The following PALM2AKAP2 variants were observed in gnomAD, a reference collection of about 807,000 sequenced individuals.
PALM2AKAP2 encodes PALM2 and AKAP2 fusion.
A neutral mutation model predicts 71.5 loss-of-function variants in PALM2AKAP2; 37 were observed. The observed-to-expected ratio is 0.52, with a 90% CI of 0.40 to 0.68. The LOEUF (loss-of-function observed/expected upper bound fraction) is 0.68, where lower values mean the gene tolerates loss of function less well. Among genes scored for constraint, PALM2AKAP2 ranks in the 30% least tolerant of loss-of-function variants. The pLI, the probability that PALM2AKAP2 is intolerant of heterozygous loss-of-function variation, is 0.00. For synonymous variants in PALM2AKAP2, 468 were observed against 478.8 expected (o/e 0.98, Z 0.29); for missense variants, 1,224 against 1,191.8 (o/e 1.03, Z -0.40).
chr9:109,862,593 A>G (rs539735989), intron 1 of PALM2AKAP2, among the ~76,000 whole-genome samples: 1 of 152,296 alleles, frequency 6.6e-6, no homozygotes, highest in Admixed American at 6.5e-5. Flanking sequence ...ATCAATAGCT[A>G]TTGCAAAGAA....
At chr9:109,679,631 A>G (rs1358913) in intron 1 of PALM2AKAP2, among the ~76,000 whole-genome samples, 29,814 of 152,134 alleles carry the variant, frequency 0.2, 3,134 homozygotes, top group Middle Eastern at 0.32. Context: ...AGCTACTCAA[A>G]GCATGGAATT....
intron 1 of PALM2AKAP2, among the ~76,000 whole-genome samples, chr9:109,730,330 G>A (rs1828536549): frequency 6.6e-6 from 1 of 152,242 alleles, no homozygotes; most frequent in South Asian, 2.1e-4. Context: ...ATATTGGTCA[G>A]AAGCTGGACT....
intron 1 of PALM2AKAP2, among the ~76,000 whole-genome samples, chr9:110,080,603 AT>A (rs1488478221): frequency 6.6e-6 from 1 of 152,154 alleles, no homozygotes; most frequent in Non-Finnish European, 1.5e-5. Flanking sequence ...TGATTTTCTG[AT>A]TCTTCTGTCT....
intron 1 of PALM2AKAP2, among the ~76,000 whole-genome samples, chr9:109,667,009 C>G (rs1025733487): frequency 1.3e-5 from 2 of 152,172 alleles, no homozygotes; most frequent in African/African-American, 4.8e-5. Context: ...GAACATCAGT[C>G]TTTGGAAAAG....
chr9:109,780,364 C>T (rs1019220354), upstream of PALM2AKAP2: 4 of 1,582,244 alleles, frequency 2.5e-6, no homozygotes, highest in Admixed American at 1.7e-5. Flanking sequence ...AGCGGATCCC[C>T]AGCCGTCCCT....
chr9:109,881,052 A>G (rs1390267999), intron 3 of PALM2AKAP2, among the ~76,000 whole-genome samples: 1 of 152,040 alleles, frequency 6.6e-6, no homozygotes, highest in Non-Finnish European at 1.5e-5. Flanking sequence ...TTCACCCTCC[A>G]AAAGGCCCCA....
Position 109,659,684 on chromosome 9 carries a change from G to A in PALM2AKAP2, c.5+18818G>A, listed in dbSNP as rs370965253. On this transcript the variant is annotated intron_variant, in intron 1 of 6. Coordinates refer to the PALM2AKAP2 transcript ENST00000374531. ...TTGCAAAGATGTGAGTCAGCTCTAA[G>A]TAAAATGATGTATCCATAATTATAA... is the stretch of plus-strand genomic sequence containing the variant. Among the ~76,000 whole-genome samples the A allele has an allele frequency of 1.2e-4, 19 of 152,158 alleles. No homozygotes were observed. In the East Asian group the frequency reaches 3.7e-3, roughly 29 times the overall value.
intron 1 of PALM2AKAP2, among the ~76,000 whole-genome samples, chr9:109,745,995 TG>T (rs1828794629): frequency 1.3e-5 from 2 of 152,244 alleles, no homozygotes; most frequent in Admixed American, 6.5e-5. Flanking sequence ...ATATGTGCTT[TG>T]TTACTCTGCA....
At chr9:109,746,910 C>T (rs1287361276) in intron 1 of PALM2AKAP2, among the ~76,000 whole-genome samples, 1 of 152,056 alleles carries the variant, frequency 6.6e-6, no homozygotes, top group Non-Finnish European at 1.5e-5. Context: ...TTAACAGGCA[C>T]AGGTGGAAGA....
At chr9:110,158,056 A>G (rs905760975) in intron 3 of PALM2AKAP2, among the ~76,000 whole-genome samples, 39 of 152,282 alleles carry the variant, frequency 2.6e-4, no homozygotes, top group African/African-American at 8.7e-4. Context: ...CAGTGGGATG[A>G]TGCCCGGCCC....
intron 1 of PALM2AKAP2, among the ~76,000 whole-genome samples, chr9:109,691,540 A>G (rs1827883947): frequency 6.6e-6 from 1 of 151,936 alleles, no homozygotes; most frequent in Non-Finnish European, 1.5e-5. Context: ...TTCTTTGTAG[A>G]TGCTGCTAAC....
chr9:109,888,032 C>T (rs1414327333), intron 3 of PALM2AKAP2, among the ~76,000 whole-genome samples: 2 of 152,166 alleles, frequency 1.3e-5, no homozygotes, highest in Non-Finnish European at 2.9e-5. Context: ...GGTGAGACTG[C>T]CCCCTTCAGG....
chr9:109,829,861 A>G (rs1828251096), intron 1 of PALM2AKAP2, among the ~76,000 whole-genome samples: 2 of 152,178 alleles, frequency 1.3e-5, no homozygotes. Flanking sequence ...GAATTTAATG[A>G]GGCTGACATT....
intron 6 of PALM2AKAP2, among the ~76,000 whole-genome samples, chr9:109,990,901 G>A (rs78127886): frequency 0.027 from 4,140 of 152,242 alleles, 70 homozygotes; most frequent in South Asian, 0.057. Flanking sequence ...GGCTTTTTCC[G>A]CATTTTCCAA....
chr9:110,110,126 A>G (rs1835212999), intron 1 of PALM2AKAP2, among the ~76,000 whole-genome samples: 1 of 152,244 alleles, frequency 6.6e-6, no homozygotes, highest in Admixed American at 6.5e-5. Context: ...GTGAGGTAAC[A>G]TATAGTAATT....
intron 1 of PALM2AKAP2, among the ~76,000 whole-genome samples, chr9:109,836,101 C>G (rs900188853): frequency 9.8e-5 from 15 of 152,312 alleles, no homozygotes; most frequent in Non-Finnish European, 1.9e-4. Context: ...TCCCTGATCC[C>G]CGAGTAGCCT....
chr9:109,823,777 G>T (rs1207604370), intron 1 of PALM2AKAP2, among the ~76,000 whole-genome samples: 2 of 152,166 alleles, frequency 1.3e-5, no homozygotes, highest in African/African-American at 4.8e-5. Context: ...GGGGGTGAGG[G>T]GAGTAAATAG....
At chr9:110,118,693 A>G (rs1445019984) in intron 1 of PALM2AKAP2, among the ~76,000 whole-genome samples, 1 of 152,218 alleles carries the variant, frequency 6.6e-6, no homozygotes, top group East Asian at 1.9e-4. Context: ...ATATATGCAC[A>G]TATTCTAACA....
At chr9:109,726,833 T>A (rs1828485198) in intron 1 of PALM2AKAP2, among the ~76,000 whole-genome samples, 1 of 152,184 alleles carries the variant, frequency 6.6e-6, no homozygotes, top group Admixed American at 6.5e-5. Context: ...TAAATAAAAT[T>A]TAAATTCAGT....
Sources: gnomAD v4.1 joint callset for allele counts (sites outside exome capture counted in the v4.1 genomes callset) on GRCh38, gnomAD v4.1.1 for gene constraint, MANE v1.5 for transcripts, NCBI Gene and HGNC (gene_info 2026-07-23, HGNC 2026-07-21) for gene names.